The following PKN2 variants were observed in gnomAD, a reference collection of about 807,000 sequenced individuals.
PKN2 encodes protein kinase N2.
A neutral mutation model predicts 119.1 loss-of-function variants in PKN2; 38 were observed. The observed-to-expected ratio is 0.32, with a 90% CI of 0.25 to 0.42. PKN2 has a LOEUF of 0.42. PKN2 is among the 10% of genes least tolerant of loss of function. The pLI is 1.00. For synonymous variants in PKN2, 390 were observed against 384.9 expected (o/e 1.01, Z -0.15); for missense variants, 850 against 1,165.1 (o/e 0.73, Z 3.94).
In PKN2 at chr1:88,807,379, T is replaced by C; in HGVS notation, c.1870T>C (p.Tyr624His). 6.2e-7 allele frequency: 1 copy of C among 1,604,920 alleles called. No homozygotes were observed. Among genetic ancestry groups the C allele is most frequent in the Non-Finnish European group, 8.5e-7 (1 of 1,172,794 alleles). Reference protein sequence around the residue: ...NSILPKSQSEYKPDTPQSGLE... With the variant: ...NSILPKSQSEHKPDTPQSGLE... ...TATACTTCCAAAATCTCAATCTGAATACAAGCCTGATACTCCTCAGTCAGG... is the reference window on the plus strand; with the variant it reads ...TATACTTCCAAAATCTCAATCTGAACACAAGCCTGATACTCCTCAGTCAGG... The change falls in exon 13 of 22, where the codon TAC (tyrosine) becomes CAC (histidine). Residue 624 changes from tyrosine (Y) to histidine (H), a missense_variant. Physicochemically the swap from Tyr to His is moderately conservative, Grantham distance 83 (BLOSUM62 2). Transcript: ENST00000370521.
intron 1 of PKN2, among the ~76,000 whole-genome samples, chr1:88,708,984 C>G (rs950562633): frequency 6.6e-6 from 1 of 151,474 alleles, no homozygotes; most frequent in Admixed American, 6.6e-5. Flanking sequence ...TCTTTCCATT[C>G]ATTCAGCAAG....
intron 8 of PKN2, among the ~76,000 whole-genome samples, chr1:88,795,226 C>G (rs949919528): frequency 5.9e-5 from 9 of 152,186 alleles, no homozygotes; most frequent in South Asian, 2.1e-4. Flanking sequence ...CGAAGTCTCT[C>G]TCTTTCCTGT....
intron 16 of PKN2, among the ~76,000 whole-genome samples, chr1:88,819,158 A>G (rs1301987305): frequency 2.0e-5 from 3 of 152,246 alleles, no homozygotes; most frequent in African/African-American, 7.2e-5. Flanking sequence ...AGCAGTGGCA[A>G]CCAAAGCCAA....
At chr1:88,707,235 C>CT (rs554765452) in intron 1 of PKN2, among the ~76,000 whole-genome samples, 23 of 151,974 alleles carry the variant, frequency 1.5e-4, no homozygotes, top group Non-Finnish European at 2.8e-4. Context: ...GTAAGCCCTA[C>CT]TTTTTTTGAC....
At chr1:88,724,034 A>C (rs1425896447) in intron 1 of PKN2, among the ~76,000 whole-genome samples, 1 of 152,172 alleles carries the variant, frequency 6.6e-6, no homozygotes, top group East Asian at 1.9e-4. Context: ...GAGATTTGAG[A>C]GAGAAGGAGA....
chr1:88,715,974 A>G (rs1035337309), intron 1 of PKN2, among the ~76,000 whole-genome samples: 6 of 152,194 alleles, frequency 3.9e-5, no homozygotes, highest in African/African-American at 1.2e-4. Flanking sequence ...AATGTGTCCC[A>G]GAGATGCTGG....
At chr1:88,715,232 AT>A (rs1161464433) in intron 1 of PKN2, among the ~76,000 whole-genome samples, 1 of 152,078 alleles carries the variant, frequency 6.6e-6, no homozygotes, top group East Asian at 1.9e-4. Flanking sequence ...GTTTAAAATT[AT>A]CTTTTTTTGT....
At chr1:88,726,478 A>G (rs1333620287) in intron 1 of PKN2, among the ~76,000 whole-genome samples, 1 of 152,104 alleles carries the variant, frequency 6.6e-6, no homozygotes, top group Non-Finnish European at 1.5e-5. Flanking sequence ...GATTATATTG[A>G]TGGATTTTTG....
At chr1:88,783,017 C>G (rs1286598437) in intron 6 of PKN2, among the ~76,000 whole-genome samples, 1 of 152,210 alleles carries the variant, frequency 6.6e-6, no homozygotes, top group African/African-American at 2.4e-5. Flanking sequence ...TAATTATTCT[C>G]TACTGCTGGG....
At chr1:88,792,957 A>G (rs1044557190) in intron 8 of PKN2, among the ~76,000 whole-genome samples, 6 of 152,214 alleles carry the variant, frequency 3.9e-5, no homozygotes, top group Admixed American at 3.9e-4. Context: ...ACTGAGGCAG[A>G]TCACTTTTAC....
In PKN2 at chr1:88,782,797, T is replaced by G. The variant is rs768279098; in HGVS notation, c.986-1842T>G. ...AAGCCACTAAGCTTGTAATAATTTG[T>G]AACGCAACCATAGAAAGCAAATACA... On this transcript the variant is annotated intron_variant, in intron 6 of 21. Coordinates refer to ENST00000370521, the MANE Select transcript of PKN2 (RefSeq NM_006256.4). 7.2e-5 allele frequency among the ~76,000 whole-genome samples: 11 copies of G among 152,228 alleles called. No homozygotes were observed. The South Asian group carries it at 8.3e-4, about 11-fold the overall frequency.
rs528003695 is a variant in PKN2 at position 88,777,087 on chromosome 1, C to G, written c.985+5208C>G. 2.5e-4 allele frequency among the ~76,000 whole-genome samples: 38 copies of G among 152,132 alleles called. No individual in the cohort carries two copies. In the South Asian group the frequency reaches 7.5e-3, roughly 30 times the overall value. On this transcript the variant is annotated intron_variant, in intron 6 of 21. Coordinates refer to ENST00000370521, the MANE Select transcript of PKN2 (RefSeq NM_006256.4). ...GGTATTTCTCTTAGACTCTGATTTT[C>G]TTCATTATTTTTTCTTTCTGCTCTT...
At chr1:88,797,426 G>A (rs962218730) in intron 8 of PKN2, among the ~76,000 whole-genome samples, 2 of 150,594 alleles carry the variant, frequency 1.3e-5, no homozygotes, top group Non-Finnish European at 3.0e-5. Flanking sequence ...GGCGGATCAC[G>A]AGGTCAAGAG....
chr1:88,776,601 A>G (rs1164624585), intron 6 of PKN2, among the ~76,000 whole-genome samples: 1 of 151,968 alleles, frequency 6.6e-6, no homozygotes. Flanking sequence ...TTAGCCAGGC[A>G]TGATGGCGCA....
intron 16 of PKN2, among the ~76,000 whole-genome samples, chr1:88,814,279 CTT>C (rs1196107845): frequency 1.3e-5 from 2 of 152,098 alleles, no homozygotes; most frequent in Non-Finnish European, 2.9e-5. Context: ...ATTGTAAACT[CTT>C]TTTGTAGTTT....
At chr1:88,781,220 A>C in intron 6 of PKN2, 17 of 1,120,930 alleles carry the variant, frequency 1.5e-5, no homozygotes, top group Non-Finnish European at 1.8e-5. Context: ...GGTTCGTCTC[A>C]TACTCCAGTT....
At chr1:88,725,514 A>G (rs1400693762) in intron 1 of PKN2, among the ~76,000 whole-genome samples, 3 of 152,138 alleles carry the variant, frequency 2.0e-5, no homozygotes, top group East Asian at 1.9e-4. Flanking sequence ...GATGTTGGCA[A>G]TCTTTTTATG....
rs147504085 is a variant in PKN2 at position 88,744,663 on chromosome 1, C to T, written c.349+3375C>T. On this transcript the variant is annotated intron_variant, in intron 2 of 21. Coordinates refer to ENST00000370521, the MANE Select transcript of PKN2 (RefSeq NM_006256.4). Reference sequence around the variant, plus strand: ...TCTTGATCTCTTTACTTTGTTGATCCGCCCACCTCGGCTTCCCAAAGTGCT... The same window carrying T: ...TCTTGATCTCTTTACTTTGTTGATCTGCCCACCTCGGCTTCCCAAAGTGCT... 7.9e-3 allele frequency among the ~76,000 whole-genome samples: 1,202 copies of T among 152,228 alleles called. 19 individuals are homozygous for T. The highest frequency in any genetic ancestry group is 0.028 in the African/African-American group (1,146 of 41,530).
intron 2 of PKN2, among the ~76,000 whole-genome samples, chr1:88,747,976 TTAAA>T (rs1414320432): frequency 1.2e-4 from 18 of 152,120 alleles, no homozygotes; most frequent in Admixed American, 2.0e-4. Context: ...CCCTGCCCAC[TTAAA>T]TAGTGTGATC....
Sources: gnomAD v4.1 joint callset for allele counts (sites outside exome capture counted in the v4.1 genomes callset) on GRCh38, gnomAD v4.1.1 for gene constraint, MANE v1.5 for transcripts, NCBI Gene and HGNC (gene_info 2026-07-23, HGNC 2026-07-21) for gene names.